TNKS: variants seen among roughly 807,000 people sequenced by gnomAD.
The protein encoded by TNKS is poly [ADP-ribose] polymerase tankyrase-1.
TNKS carries 72 observed loss-of-function variants against 135.8 expected under a neutral mutation model. The observed-to-expected ratio is 0.53, with a 90% confidence interval of 0.44 to 0.64. TNKS has a LOEUF of 0.64. Among genes scored for constraint, TNKS ranks in the 30% least tolerant of loss-of-function variants. The probability of loss-of-function intolerance (pLI) is 0.00; values close to 1 mark genes in which losing one functional copy is unlikely to be tolerated. For missense variants in TNKS, 1,769 were observed against 1,674.0 expected, an observed-to-expected ratio of 1.06 and a Z score of -0.99; for synonymous variants, 849 against 649.3, an observed-to-expected ratio of 1.31 and a Z score of -4.68.
Position 9,639,472 on chromosome 8 carries a change from A to G in TNKS, c.994+23795A>G, listed in dbSNP as rs768620686. ...AATAAATATGGTCACTTTAAAATGT[A>G]TACATAGATAATTTTGTTTTCACTA... On this transcript the variant is annotated intron_variant, in intron 3 of 26. Coordinates refer to ENST00000310430, the MANE Select transcript of TNKS (RefSeq NM_003747.3). Among the ~76,000 whole-genome samples the G allele has an allele frequency of 4.4e-4, 66 of 151,424 alleles. 1 individual carries two copies. The highest frequency in any genetic ancestry group is 1.5e-3 in the African/African-American group (61 of 41,364).
chr8:9,770,007 G>A, intron 25 of TNKS, 99 bp from the exon 26 acceptor site: 1 of 1,036,312 alleles, frequency 9.6e-7, no homozygotes, highest in East Asian at 2.6e-5. Context: ...AAATTAGCTT[G>A]CCTTATGTTA....
In TNKS at chr8:9,771,207, AAG is replaced by A. The variant is rs375534457; in HGVS notation, c.3897+954_3897+955del. On this transcript the variant is annotated intron_variant, in intron 26 of 26. Coordinates refer to ENST00000310430, the MANE Select transcript of TNKS (RefSeq NM_003747.3). ...AGAGGAAGGAAGGAAGTGAGGGAGGAAGAGAGAGAGGAAGGGAGGGAGAGAGC... is the reference window on the plus strand; with the variant it reads ...AGAGGAAGGAAGGAAGTGAGGGAGGAAGAGAGAGGAAGGGAGGGAGAGAGC... Among the ~76,000 whole-genome samples the A allele has an allele frequency of 7.0e-4, 97 of 137,612 alleles. No homozygotes were observed. The South Asian group carries it at 0.024, about 34-fold the overall frequency. The allele number at this position is 137,612 out of a possible 152,430, so 90.3% of individuals were successfully genotyped here.
chr8:9,680,900 T>G (rs766714175), intron 5 of TNKS, 100 bp downstream of exon 5: 8 of 785,224 alleles, frequency 1.0e-5, no homozygotes, highest in Admixed American at 4.4e-5. Flanking sequence ...ATGGCTTTAT[T>G]TTAACTGGCA....
chr8:9,603,094 CCA>C (rs1799079381), intron 2 of TNKS, among the ~76,000 whole-genome samples: 1 of 151,956 alleles, frequency 6.6e-6, no homozygotes, highest in African/African-American at 2.4e-5. Flanking sequence ...GCTTTATCGC[CCA>C]GGCTGGAGTA....
rs546743137 is a variant in TNKS at position 9,571,544 on chromosome 8, G to A, written c.674-8615G>A. Among the ~76,000 whole-genome samples, 200 of 152,140 alleles carry A rather than the reference G, an allele frequency of 1.3e-3. 1 individual carries two copies. The highest frequency in any genetic ancestry group is 4.2e-3 in the African/African-American group (176 of 41,502). On this transcript the variant is annotated intron_variant, in intron 1 of 26. Coordinates refer to ENST00000310430, the MANE Select transcript of TNKS (RefSeq NM_003747.3). ...GCAATCTTGGCTCACTGCAAGCTCCGCCTCCCGGGTTCACGCCATTCTCCT... is the reference window on the plus strand; with the variant it reads ...GCAATCTTGGCTCACTGCAAGCTCCACCTCCCGGGTTCACGCCATTCTCCT...
At chr8:9,697,251 C>G (rs1803560661) in intron 5 of TNKS, among the ~76,000 whole-genome samples, 2 of 152,080 alleles carry the variant, frequency 1.3e-5, no homozygotes, top group African/African-American at 2.4e-5. Context: ...TAGCCATATG[C>G]AGAAGAATGA....
intron 2 of TNKS, among the ~76,000 whole-genome samples, chr8:9,588,953 G>A (rs573345708): frequency 2.6e-5 from 4 of 152,272 alleles, no homozygotes; most frequent in South Asian, 4.1e-4. Flanking sequence ...TGGGTTAATC[G>A]GAGTGGGGAA....
At chr8:9,598,169 C>T (rs905609673) in intron 2 of TNKS, among the ~76,000 whole-genome samples, 2 of 152,090 alleles carry the variant, frequency 1.3e-5, no homozygotes, top group African/African-American at 4.8e-5. Flanking sequence ...CCTCAGCCTC[C>T]TGAGTAGCTG....
At chr8:9,645,733 C>T (rs1051249603) in intron 3 of TNKS, among the ~76,000 whole-genome samples, 4 of 152,124 alleles carry the variant, frequency 2.6e-5, no homozygotes, top group African/African-American at 9.7e-5. Context: ...TGAGGATCCT[C>T]TGTGTTTGAT....
chr8:9,735,170 A>G (rs867090343), intron 16 of TNKS, 86 bp downstream of exon 16: 1 of 1,328,880 alleles, frequency 7.5e-7, no homozygotes, highest in African/African-American at 1.5e-5. Flanking sequence ...CATGCTGAAC[A>G]CAAATGGGAC....
At chr8:9,663,413 C>T (rs1251344572) in intron 3 of TNKS, among the ~76,000 whole-genome samples, 1 of 152,136 alleles carries the variant, frequency 6.6e-6, no homozygotes, top group African/African-American at 2.4e-5. Flanking sequence ...GGAAAAGAAA[C>T]CTCTTTTTTG....
At chr8:9,656,286 G>A (rs1402669130) in intron 3 of TNKS, among the ~76,000 whole-genome samples, 1 of 152,212 alleles carries the variant, frequency 6.6e-6, no homozygotes, top group Non-Finnish European at 1.5e-5. Context: ...AAAGTGACAG[G>A]GAGAATGGAA....
chr8:9,572,107 C>T (rs1219142295), intron 1 of TNKS, among the ~76,000 whole-genome samples: 4 of 152,188 alleles, frequency 2.6e-5, no homozygotes, highest in African/African-American at 7.2e-5. Context: ...GACATAAGCT[C>T]ACACACGTAC....
At chr8:9,690,965 A>T (rs573394245) in intron 5 of TNKS, among the ~76,000 whole-genome samples, 89 of 152,274 alleles carry the variant, frequency 5.8e-4, no homozygotes, top group Non-Finnish European at 1.1e-3. Context: ...CAGTGTTAGA[A>T]CCTTCGCTAT....
chr8:9,775,237 T>G (rs776871899), intron 26 of TNKS, among the ~76,000 whole-genome samples: 8 of 151,938 alleles, frequency 5.3e-5, no homozygotes, highest in Admixed American at 2.0e-4. Context: ...AAATTAAGTG[T>G]ATGTCTTAAG....
intron 3 of TNKS, chr8:9,670,218 G>T (rs1039178382): frequency 3.3e-5 from 5 of 152,196 alleles, no homozygotes; most frequent in Non-Finnish European, 5.9e-5. Context: ...AAATGAAGAA[G>T]GCATGTTAGT....
chr8:9,735,347 C>T (rs373794063), intron 16 of TNKS, 30 bp from the exon 17 acceptor site: 113 of 1,587,060 alleles, frequency 7.1e-5, no homozygotes, highest in Middle Eastern at 5.0e-4. Flanking sequence ...TAAGCTGACA[C>T]GTTTCCTGTA....
intron 11 of TNKS, among the ~76,000 whole-genome samples, chr8:9,714,300 C>T (rs986927207): frequency 3.3e-5 from 5 of 149,256 alleles, no homozygotes; most frequent in African/African-American, 7.4e-5. Context: ...GTTGACTAAT[C>T]AGTGATATGT....
intron 2 of TNKS, among the ~76,000 whole-genome samples, chr8:9,611,863 T>G (rs991249692): frequency 3.3e-5 from 5 of 152,222 alleles, no homozygotes; most frequent in Non-Finnish European, 1.5e-5. Context: ...GGTCTCAACT[T>G]TTAGTTTTGT....
Sources: gnomAD v4.1 joint callset for allele counts (sites outside exome capture counted in the v4.1 genomes callset) on GRCh38, gnomAD v4.1.1 for gene constraint, MANE v1.5 for transcripts, NCBI Gene and HGNC (gene_info 2026-07-23, HGNC 2026-07-21) for gene names.